The following LNX2 variants were observed in gnomAD, a reference collection of about 807,000 sequenced individuals.
LNX2 encodes the protein ligand of Numb protein X 2.
A neutral mutation model predicts 66.2 loss-of-function variants in LNX2; 35 were observed. The ratio of observed to expected loss-of-function variants is 0.53; its 90% CI spans 0.40 to 0.70. The LOEUF (loss-of-function observed/expected upper bound fraction) is 0.70, where lower values mean the gene tolerates loss of function less well. Among genes scored for constraint, LNX2 ranks in the 30% least tolerant of loss-of-function variants. LNX2 has a pLI of 0.00. For synonymous variants in LNX2, 337 were observed against 315.6 expected (o/e 1.07, Z -0.72); for missense variants, 791 against 850.8 (o/e 0.93, Z 0.87).
intron 1 of LNX2, among the ~76,000 whole-genome samples, chr13:27,597,693 G>A (rs1955614097): frequency 6.6e-6 from 1 of 152,086 alleles, no homozygotes; most frequent in Admixed American, 6.6e-5. Context: ...CTGGTAATGA[G>A]AGCTTGAATT....
At chr13:27,551,949 G>A (rs948091362) in intron 8 of LNX2, among the ~76,000 whole-genome samples, 3 of 152,194 alleles carry the variant, frequency 2.0e-5, no homozygotes, top group Non-Finnish European at 4.4e-5. Flanking sequence ...GGGGCCACCT[G>A]CACCCACTGA....
At chr13:27,606,067 T>A (rs140555889) in intron 1 of LNX2, among the ~76,000 whole-genome samples, 1,996 of 152,210 alleles carry the variant, frequency 0.013, 19 homozygotes, top group Middle Eastern at 0.048. Context: ...ATTAAAACTG[T>A]AAAGGGACAA....
intron 1 of LNX2, among the ~76,000 whole-genome samples, chr13:27,583,225 TGTG>T (rs1955431580): frequency 9.6e-5 from 2 of 20,738 alleles, no homozygotes; most frequent in Non-Finnish European, 9.8e-5. Context: ...TGTGTGTGTG[TGTG>T]TGTGTGTGTG....
At chr13:27,579,607 A>C (rs1038075862) in intron 2 of LNX2, among the ~76,000 whole-genome samples, 1 of 152,238 alleles carries the variant, frequency 6.6e-6, no homozygotes, top group African/African-American at 2.4e-5. Context: ...TGCAAATTAA[A>C]TTCTTGAATG....
chr13:27,551,479 C>CA (rs1018890264), intron 8 of LNX2, among the ~76,000 whole-genome samples: 1 of 150,636 alleles, frequency 6.6e-6, no homozygotes, highest in African/African-American at 2.4e-5. Flanking sequence ...ACAAAACAAA[C>CA]AAAAAAAGCA....
intron 1 of LNX2, among the ~76,000 whole-genome samples, chr13:27,610,142 G>A (rs546551308): frequency 6.6e-6 from 1 of 152,288 alleles, no homozygotes; most frequent in South Asian, 2.1e-4. Context: ...TGCTACTACT[G>A]ATCAAATGCT....
rs138860833 is a variant in LNX2, at chr13:27,566,506, C to T, written c.855+1134G>A. On this transcript the variant is annotated intron_variant, in intron 4 of 9. Coordinates refer to ENST00000316334, the MANE Select transcript of LNX2 (RefSeq NM_153371.4). ...AGGTTGTAGAAGAGACCGTGGAGGA[C>T]CCTGACTATTAGATTAATCAGTCTG... Among the ~76,000 whole-genome samples, 525 of 152,206 alleles carry T rather than the reference C, an allele frequency of 3.4e-3. 1 individual carries two copies. The highest frequency in any genetic ancestry group is 0.012 in the African/African-American group (502 of 41,526).
chr13:27,600,626 G>A (rs1400088157), intron 1 of LNX2, among the ~76,000 whole-genome samples: 1 of 152,164 alleles, frequency 6.6e-6, no homozygotes, highest in Admixed American at 6.5e-5. Context: ...AAATAAGATA[G>A]GTGTTACTGA....
chr13:27,582,861 T>C (rs1301116462), intron 1 of LNX2, among the ~76,000 whole-genome samples: 2 of 152,150 alleles, frequency 1.3e-5, no homozygotes, highest in Non-Finnish European at 2.9e-5. Flanking sequence ...CTGCACGTTC[T>C]ACACACGTAT....
intron 2 of LNX2, among the ~76,000 whole-genome samples, chr13:27,574,619 AGAGT>A (rs1282316112): frequency 6.6e-6 from 1 of 152,168 alleles, no homozygotes; most frequent in Non-Finnish European, 1.5e-5. Context: ...AAAAGGAGAG[AGAGT>A]GAAAGGAGTA....
At chr13:27,565,973 C>G (rs1955200812) in intron 4 of LNX2, among the ~76,000 whole-genome samples, 1 of 152,058 alleles carries the variant, frequency 6.6e-6, no homozygotes. Flanking sequence ...GATGGCTATT[C>G]CCAACAGCAT....
At chr13:27,560,587 C>CTATATAT (rs1313161860) in intron 5 of LNX2, among the ~76,000 whole-genome samples, 4 of 69,458 alleles carry the variant, frequency 5.8e-5, no homozygotes, top group South Asian at 7.9e-4. Context: ...ATATATATAG[C>CTATATAT]ATACTTGTGT....
chr13:27,576,343 C>G (rs1377989692), intron 2 of LNX2, among the ~76,000 whole-genome samples: 1 of 152,118 alleles, frequency 6.6e-6, no homozygotes, highest in Non-Finnish European at 1.5e-5. Flanking sequence ...AGCACTCCAT[C>G]CATTAACAGC....
intron 9 of LNX2, among the ~76,000 whole-genome samples, chr13:27,549,817 T>C (rs1954984798): frequency 6.6e-6 from 1 of 152,162 alleles, no homozygotes; most frequent in African/African-American, 2.4e-5. Context: ...ATCCCTCCCT[T>C]ATGGAGCTTG....
intron 2 of LNX2, among the ~76,000 whole-genome samples, chr13:27,573,763 C>A (rs1955311435): frequency 1.3e-5 from 2 of 152,058 alleles, no homozygotes; most frequent in African/African-American, 4.8e-5. Flanking sequence ...AGAATTAGTT[C>A]ATAAGAGTCA....
At chr13:27,583,199 T>TGCGCGCGC (rs1955424388) in intron 1 of LNX2, among the ~76,000 whole-genome samples, 5 of 13,298 alleles carry the variant, frequency 3.8e-4, no homozygotes, top group African/African-American at 9.5e-4. Flanking sequence ...TGTGTGTGTG[T>TGCGCGCGC]GTGTGTGTGT....
At chr13:27,549,889 T>C (rs148042565) in intron 9 of LNX2, among the ~76,000 whole-genome samples, 3 of 152,354 alleles carry the variant, frequency 2.0e-5, no homozygotes, top group Admixed American at 6.5e-5. Flanking sequence ...AGTCATCTAA[T>C]GACAGGACTG....
rs1461533984 is a variant in LNX2, at chr13:27,583,212, G to GCGCGCGCGTGCCCTCTCCAATATAACTT, written c.-100-1410_-100-1409insAAGTTATATTGGAGAGGGCACGCGCGCG. Among the ~76,000 whole-genome samples, 33 of 22,892 alleles carry GCGCGCGCGTGCCCTCTCCAATATAACTT rather than the reference G, an allele frequency of 1.4e-3. 5 individuals are homozygous for GCGCGCGCGTGCCCTCTCCAATATAACTT. The highest frequency in any genetic ancestry group is 2.5e-3 in the Non-Finnish European group (28 of 11,304). The allele number at this position is 22,892 out of a possible 152,430, so 15.0% of individuals were successfully genotyped here. A position where few individuals can be genotyped will look rare whatever the true frequency, so the allele number is the denominator to read the frequency against. ...TGTGTGTGTGTGTGTGTGTGTGTGTGTGTGTGTGTGTGTGTGTGTGTGTGT... is the reference window on the plus strand; with the variant it reads ...TGTGTGTGTGTGTGTGTGTGTGTGTGCGCGCGCGTGCCCTCTCCAATATAACTTTGTGTGTGTGTGTGTGTGTGTGTGT... On this transcript the variant is annotated intron_variant, in intron 1 of 9. Coordinates refer to ENST00000316334, the MANE Select transcript of LNX2 (RefSeq NM_153371.4).
intron 2 of LNX2, among the ~76,000 whole-genome samples, chr13:27,577,842 GGT>G (rs1422500524): frequency 6.6e-6 from 1 of 152,158 alleles, no homozygotes; most frequent in African/African-American, 2.4e-5. Context: ...AATCGTTAAG[GGT>G]GGGTTGGAGA....
Sources: allele counts gnomAD v4.1 joint callset (sites outside exome capture counted in the v4.1 genomes callset), GRCh38; gene constraint gnomAD v4.1.1; transcripts MANE v1.5; gene names NCBI Gene and HGNC (gene_info 2026-07-23, HGNC 2026-07-21).